Variants in SBDS observed in about 807,000 individuals in gnomAD.
SBDS encodes the protein ribosome maturation protein SBDS.
Under a neutral mutation model 26.4 loss-of-function variants are expected in SBDS, and 20 were observed. The ratio of observed to expected loss-of-function variants is 0.76; its 90% CI spans 0.53 to 1.10. The LOEUF is 1.10. Ranked by LOEUF, SBDS falls within the 50% of genes least tolerant of loss-of-function variation. SBDS has a pLI of 0.00. For synonymous variants in SBDS, 95 were observed against 105.1 expected (o/e 0.90, Z 0.59); for missense variants, 241 against 302.0 (o/e 0.80, Z 1.50).
intron 1 of SBDS, 102 bp from the exon 2 acceptor site, chr7:66,994,443 A>G: frequency 9.4e-7 from 1 of 1,060,600 alleles, no homozygotes; most frequent in Non-Finnish European, 1.5e-6. Flanking sequence ...GGCAAGACAC[A>G]ACAAATCCCC....
At chr7:66,993,006 C>CA (rs71526589) in intron 3 of SBDS, among the ~76,000 whole-genome samples, 6,491 of 115,634 alleles carry the variant, frequency 0.056, 191 homozygotes, top group Middle Eastern at 0.11. Flanking sequence ...GACTCTGTCT[C>CA]AAAAAAAAAA....
chr7:66,993,578 T>C (rs960652391), intron 2 of SBDS, among the ~76,000 whole-genome samples, 161 bp from the exon 3 acceptor site: 1 of 152,160 alleles, frequency 6.6e-6, no homozygotes, highest in Non-Finnish European at 1.5e-5. Flanking sequence ...GCCCAAAAGA[T>C]GCAAGAATCT....
rs1402119049 is a variant in SBDS, at chr7:66,994,332, G to A, written c.138C>T (p.Asp46=). 1.9e-6 allele frequency: 3 copies of A among 1,613,852 alleles called. No individual in the cohort carries two copies. Among genetic ancestry groups the A allele is most frequent in the South Asian group, 2.2e-5 (2 of 91,066 alleles). Residue 46 remains aspartate, a synonymous_variant, in exon 2 of 5, where the codon GAC becomes GAT. Transcript: ENST00000246868. ...AGTGGGTCTGCAGAACTTCATCGAG[G>A]TCTTTTTCCCTTGTGAGGGCAGGAG... The part of the protein sequence containing the change: ...VVGWRSGVEK[D]LDEVLQTHSV...
chr7:66,989,517 C>G (rs1275562442), intron 4 of SBDS, among the ~76,000 whole-genome samples: 2 of 151,964 alleles, frequency 1.3e-5, no homozygotes, highest in South Asian at 2.1e-4. Flanking sequence ...TGCACTCTAG[C>G]TTGGGCAATA....
chr7:66,989,081 C>G (rs1266989879), intron 4 of SBDS, among the ~76,000 whole-genome samples: 2 of 151,746 alleles, frequency 1.3e-5, no homozygotes, highest in East Asian at 3.9e-4. Context: ...ATGTTATCTG[C>G]TCACCTTGGC....
In SBDS at chr7:66,995,581, G is replaced by A. The variant is rs561588829; in HGVS notation, c.-164C>T. ...ACTAGCTTCAGGCAGCCGTCACAGT[G>A]TGTCTGGCAGGCTTACTTACTGCGC... On this transcript the variant is annotated 5_prime_UTR_variant, in exon 1 of 5. Transcript: ENST00000246868. 40 of 994,518 alleles carry A rather than the reference G, an allele frequency of 4.0e-5. 1 individual carries two copies. The African/African-American group carries it at 6.4e-4, about 16-fold the overall frequency. The allele number at this position is 994,518 out of a possible 1,614,324, so 61.6% of individuals were successfully genotyped here.
rs185332116 is a variant in SBDS at position 66,988,523 on chromosome 7, T to G, written c.625-24A>C. 7.4e-6 allele frequency: 12 copies of G among 1,611,986 alleles called. No homozygotes were observed. The East Asian group carries it at 2.5e-4, about 33-fold the overall frequency. ...ACCTGAAACATTTAACGTAGCAGAT[T>G]ACCACATGAGGATGAGCAAGACACA... On this transcript the variant is annotated intron_variant, in intron 4 of 4. Transcript: ENST00000246868.
intron 1 of SBDS, among the ~76,000 whole-genome samples, chr7:66,994,814 T>C (rs1172558711): frequency 6.6e-6 from 1 of 152,128 alleles, no homozygotes; most frequent in African/African-American, 2.4e-5. Context: ...AAAAATGTCA[T>C]GGGAGGACGT....
At chr7:66,993,487 T>G in intron 2 of SBDS, 70 bp from the exon 3 acceptor site, 1 of 1,215,532 alleles carries the variant, frequency 8.2e-7, no homozygotes, top group Non-Finnish European at 1.2e-6. Flanking sequence ...TAACTAACCA[T>G]AAAAAATGAG....
At chr7:66,991,002 G>A in intron 4 of SBDS, 135 bp downstream of exon 4, 1 of 789,178 alleles carries the variant, frequency 1.3e-6, no homozygotes, top group Middle Eastern at 3.9e-4. Flanking sequence ...GGGCAACAGA[G>A]CGAGACTCCA....
At chr7:66,993,645 G>A (rs1472733450) in intron 2 of SBDS, among the ~76,000 whole-genome samples, 2 of 152,002 alleles carry the variant, frequency 1.3e-5, no homozygotes, top group Admixed American at 6.6e-5. Context: ...TGGCTAAGGC[G>A]GGCATATCAC....
chr7:66,994,032 A>AC (rs1562955285), intron 2 of SBDS, among the ~76,000 whole-genome samples, 180 bp downstream of exon 2: 1 of 151,060 alleles, frequency 6.6e-6, no homozygotes, highest in African/African-American at 2.4e-5. Flanking sequence ...AAAAAAAAAA[A>AC]AAAAAACCAC....
At chr7:66,994,556 G>A (rs960258728) in intron 1 of SBDS, among the ~76,000 whole-genome samples, 15 of 151,114 alleles carry the variant, frequency 9.9e-5, no homozygotes, top group East Asian at 3.9e-4. Flanking sequence ...GTGCAATGGC[G>A]CGATCTCGGG....
chr7:66,992,004 A>T (rs1238956032), intron 3 of SBDS, among the ~76,000 whole-genome samples: 1 of 152,242 alleles, frequency 6.6e-6, no homozygotes, highest in Non-Finnish European at 1.5e-5. Flanking sequence ...TAGGTTTGGT[A>T]GTCACCAGGT....
chr7:66,992,658 C>T (rs182150487), intron 3 of SBDS, among the ~76,000 whole-genome samples: 32 of 151,934 alleles, frequency 2.1e-4, no homozygotes, highest in African/African-American at 7.0e-4. Context: ...CTTCCCCAAA[C>T]CTCTACCCAC....
chr7:66,991,255 C>G lies in SBDS; in HGVS notation c.506G>C (p.Arg169Pro). 1 of 1,613,514 alleles carries G rather than the reference C, an allele frequency of 6.2e-7. No homozygotes were observed. Among genetic ancestry groups the G allele is most frequent in the South Asian group, 1.1e-5 (1 of 90,880 alleles). The change falls in exon 4 of 5, where the codon CGT becomes CCT. Residue 169 changes from arginine to proline, a missense_variant. Coordinates refer to ENST00000246868, the MANE Select transcript of SBDS (RefSeq NM_016038.4). The part of the protein sequence containing the change: ...KQLKEKMKIE[R>P]AHMRLRFILP... ...GATGAACCGAAGCCTCATGTGAGCA[C>G]GTTCTATCTTCATTTTCTCTTTTAA...
At position 66,990,983 on chromosome 7, in the gene SBDS, C is replaced by T. The variant is rs188109643; in HGVS notation, c.624+154G>A. Reference sequence around the variant, plus strand: ...AGTGAGCTGAGATAGCACCACTGCACTCCAGCCTGGGCAACAGAGCGAGAC... The same window carrying T: ...AGTGAGCTGAGATAGCACCACTGCATTCCAGCCTGGGCAACAGAGCGAGAC... On this transcript the variant is annotated intron_variant, in intron 4 of 4. Coordinates refer to ENST00000246868, the MANE Select transcript of SBDS (RefSeq NM_016038.4). The T allele has an allele frequency of 8.1e-4, 534 of 662,974 alleles. 2 individuals are homozygous for T. In the African/African-American group the frequency reaches 8.9e-3, roughly 11 times the overall value. The allele number at this position is 662,974 out of a possible 1,614,324, so 41.1% of individuals were successfully genotyped here.
Position 66,995,174 on chromosome 7 carries a change from T to C in SBDS, c.128+116A>G, listed in dbSNP as rs1584438555. ...TCATGCTCACAGCAGGAATGTTCCA[T>C]TTCCTCCCCGGCCAACACCCCAGCC... is the stretch of plus-strand genomic sequence containing the variant. On this transcript the variant is annotated intron_variant, in intron 1 of 4. Transcript: ENST00000246868. 17 of 1,438,796 alleles carry C rather than the reference T, an allele frequency of 1.2e-5. No individual in the cohort carries two copies. In the East Asian group the frequency reaches 3.9e-4, roughly 33 times the overall value. The allele number at this position is 1,438,796 out of a possible 1,614,324, so 89.1% of individuals were successfully genotyped here. A position where few individuals can be genotyped will look rare whatever the true frequency, so the allele number is the denominator to read the frequency against.
intron 3 of SBDS, among the ~76,000 whole-genome samples, chr7:66,991,734 GT>G (rs1400759135): frequency 9.5e-6 from 1 of 105,612 alleles, no homozygotes; most frequent in African/African-American, 3.7e-5. Flanking sequence ...GGGAGGCAGA[GT>G]TTGCAAAAAG....
Sources: gnomAD v4.1 joint callset for allele counts (sites outside exome capture counted in the v4.1 genomes callset) on GRCh38, gnomAD v4.1.1 for gene constraint, MANE v1.5 for transcripts, NCBI Gene and HGNC (gene_info 2026-07-23, HGNC 2026-07-21) for gene names.